The following CYP2C19 variants were observed in gnomAD, a reference collection of about 807,000 sequenced individuals.
CYP2C19 encodes cytochrome P450 2C19.
In CYP2C19, 59 loss-of-function variants were observed where a neutral mutation model predicts 40.9. That is an observed-to-expected ratio of 1.44 (90% CI 1.17 to 1.79). CYP2C19 has a LOEUF of 1.79. Among genes scored for constraint, CYP2C19 ranks in the 40% most tolerant of loss-of-function variants. CYP2C19 has a pLI of 0.00. For synonymous variants in CYP2C19, 253 were observed against 208.7 expected (o/e 1.21, Z -1.83); for missense variants, 754 against 596.9 (o/e 1.26, Z -2.74).
intron 5 of CYP2C19, among the ~76,000 whole-genome samples, chr10:94,815,297 G>A (rs897200187): frequency 1.3e-5 from 2 of 152,158 alleles, no homozygotes; most frequent in Non-Finnish European, 2.9e-5. Context: ...GTCTATTTCA[G>A]TGGTGTTAAC....
At chr10:94,843,112 G>A in intron 7 of CYP2C19, 88 bp downstream of exon 7, 1 of 1,502,530 alleles carries the variant, frequency 6.7e-7, no homozygotes, top group East Asian at 2.3e-5. Flanking sequence ...ATCACTGGGT[G>A]AGAGAAGTGC....
intron 6 of CYP2C19, among the ~76,000 whole-genome samples, chr10:94,828,719 G>A (rs1298862244): frequency 1.3e-5 from 2 of 151,672 alleles, no homozygotes; most frequent in Admixed American, 6.6e-5. Flanking sequence ...ATGTTAGCTG[G>A]TTATTTTGCT....
chr10:94,793,203 A>G (rs1263899213), intron 5 of CYP2C19, among the ~76,000 whole-genome samples: 1 of 152,156 alleles, frequency 6.6e-6, no homozygotes, highest in Non-Finnish European at 1.5e-5. Flanking sequence ...TTTCAGTTCC[A>G]TCAGGTCATT....
intron 5 of CYP2C19, among the ~76,000 whole-genome samples, chr10:94,797,368 T>C (rs1053885646): frequency 1.3e-5 from 2 of 152,118 alleles, no homozygotes; most frequent in African/African-American, 4.8e-5. Flanking sequence ...GATAAGCTTT[T>C]TGATGTGCTG....
At chr10:94,820,870 G>A (rs1264541924) in intron 6 of CYP2C19, among the ~76,000 whole-genome samples, 2 of 152,164 alleles carry the variant, frequency 1.3e-5, no homozygotes, top group Non-Finnish European at 2.9e-5. Context: ...GGACCATTGA[G>A]GCTAGGAGTT....
At chr10:94,793,580 T>C (rs1848640447) in intron 5 of CYP2C19, among the ~76,000 whole-genome samples, 1 of 152,166 alleles carries the variant, frequency 6.6e-6, no homozygotes, top group South Asian at 2.1e-4. Context: ...CTTCTAATAG[T>C]CAGGACTCTC....
intron 7 of CYP2C19, among the ~76,000 whole-genome samples, chr10:94,847,984 G>A (rs561681256): frequency 6.6e-5 from 10 of 152,194 alleles, no homozygotes; most frequent in East Asian, 5.8e-4. Context: ...TTAGCCCTTC[G>A]TCAGATGAGT....
chr10:94,774,858 C>T (rs959466534), intron 1 of CYP2C19, 200 bp from the exon 2 acceptor site: 8 of 603,312 alleles, frequency 1.3e-5, no homozygotes, highest in Non-Finnish European at 2.3e-5. Context: ...AATTGTCTGA[C>T]CATTGCCTTG....
chr10:94,796,745 C>G (rs1848694259), intron 5 of CYP2C19, among the ~76,000 whole-genome samples: 3 of 152,114 alleles, frequency 2.0e-5, no homozygotes, highest in South Asian at 2.1e-4. Context: ...GTATTTTACT[C>G]TCTTTGAAGC....
intron 3 of CYP2C19, among the ~76,000 whole-genome samples, chr10:94,778,813 C>G (rs531755160): frequency 6.6e-6 from 1 of 152,060 alleles, no homozygotes; most frequent in African/African-American, 2.4e-5. Context: ...TACATACAAA[C>G]GTATGTTTAT....
At chr10:94,836,997 G>T (rs1849414948) in intron 6 of CYP2C19, among the ~76,000 whole-genome samples, 1 of 152,152 alleles carries the variant, frequency 6.6e-6, no homozygotes, top group Non-Finnish European at 1.5e-5. Context: ...GGGTTTCAAA[G>T]ATCTTCAAAG....
At position 94,848,053 on chromosome 10, in the gene CYP2C19, T is replaced by C. The variant is rs552722107; in HGVS notation, c.1150-1864T>C. On this transcript the variant is annotated intron_variant, in intron 7 of 8. Transcript: ENST00000371321. ...GCCTATTCACTCTGATGGTGGTTTC[T>C]TTTGCTGTGCAGAAGCTCTTTAGTT... Among the ~76,000 whole-genome samples, 6 of 152,348 alleles carry C rather than the reference T, an allele frequency of 3.9e-5. No individual in the cohort carries two copies. In the East Asian group the frequency reaches 1.2e-3, roughly 29 times the overall value.
chr10:94,797,161 G>T (rs143433731), intron 5 of CYP2C19, among the ~76,000 whole-genome samples: 1 of 152,000 alleles, frequency 6.6e-6, no homozygotes, highest in South Asian at 2.1e-4. Flanking sequence ...TTTTAGATAC[G>T]TCCCATCAAT....
intron 3 of CYP2C19, among the ~76,000 whole-genome samples, chr10:94,777,180 T>A (rs1848419032): frequency 2.6e-5 from 4 of 152,172 alleles, no homozygotes; most frequent in African/African-American, 9.6e-5. Flanking sequence ...AAACGTTCCA[T>A]GCTCATGAAT....
intron 6 of CYP2C19, among the ~76,000 whole-genome samples, chr10:94,823,935 A>G (rs1432713159): frequency 1.3e-5 from 2 of 152,180 alleles, no homozygotes; most frequent in African/African-American, 2.4e-5. Flanking sequence ...CTACTTCAGA[A>G]TGAACCTGGT....
chr10:94,801,394 C>T (rs932137139), intron 5 of CYP2C19, among the ~76,000 whole-genome samples: 3 of 152,156 alleles, frequency 2.0e-5, no homozygotes, highest in Non-Finnish European at 4.4e-5. Flanking sequence ...ACCATGTCAT[C>T]ATGCAGTTTT....
intron 5 of CYP2C19, among the ~76,000 whole-genome samples, chr10:94,782,362 C>T (rs1388838714): frequency 6.6e-6 from 1 of 151,992 alleles, no homozygotes; most frequent in Non-Finnish European, 1.5e-5. Context: ...TGAACAGACA[C>T]TTTTCAAAAG....
At chr10:94,776,308 C>T (rs947870811) in intron 3 of CYP2C19, 2 of 151,846 alleles carry the variant, frequency 1.3e-5, no homozygotes, top group Admixed American at 6.6e-5. Context: ...TATAATTTGG[C>T]TCTGTTTCAT....
At chr10:94,835,292 A>T (rs1042702903) in intron 6 of CYP2C19, among the ~76,000 whole-genome samples, 3 of 152,162 alleles carry the variant, frequency 2.0e-5, no homozygotes, top group Non-Finnish European at 2.9e-5. Context: ...TGGCCATCTG[A>T]TGGGTGCTAT....
Sources: gnomAD v4.1 joint callset for allele counts (sites outside exome capture counted in the v4.1 genomes callset) on GRCh38, gnomAD v4.1.1 for gene constraint, MANE v1.5 for transcripts, NCBI Gene and HGNC (gene_info 2026-07-23, HGNC 2026-07-21) for gene names.